Variants in HERC1 observed in about 807,000 individuals in gnomAD.
HERC1 encodes the protein probable E3 ubiquitin-protein ligase HERC1.
Under a neutral mutation model 554.3 loss-of-function variants are expected in HERC1, and 160 were observed. That is an observed-to-expected ratio of 0.29 (90% CI 0.25 to 0.33). The LOEUF (loss-of-function observed/expected upper bound fraction) is 0.33, where lower values mean the gene tolerates loss of function less well. HERC1 is among the 10% of genes least tolerant of loss of function. The pLI, the probability that HERC1 is intolerant of heterozygous loss-of-function variation, is 1.00. For synonymous variants in HERC1, 2,175 were observed against 2,131.7 expected (o/e 1.02, Z -0.56); for missense variants, 4,919 against 5,918.5 (o/e 0.83, Z 5.54).
At chr15:63,638,615 A>G in intron 62 of HERC1, 79 bp from the exon 63 acceptor site, 1 of 1,599,536 alleles carries the variant, frequency 6.3e-7, no homozygotes, top group Non-Finnish European at 8.6e-7. Flanking sequence ...AGTGTGTGCC[A>G]GCCTGTATGG....
chr15:63,796,945 G>A (rs1312336192), intron 1 of HERC1, among the ~76,000 whole-genome samples: 2 of 152,176 alleles, frequency 1.3e-5, no homozygotes, highest in Non-Finnish European at 1.5e-5. Context: ...TTCCAAAAGA[G>A]AGGAGGGTAT....
chr15:63,691,137 G>C (rs890147505), intron 31 of HERC1, among the ~76,000 whole-genome samples: 3 of 152,070 alleles, frequency 2.0e-5, no homozygotes, highest in African/African-American at 7.2e-5. Flanking sequence ...GGGATTGTTA[G>C]GGTTAACCGG....
At position 63,826,285 on chromosome 15, in the gene HERC1, C is replaced by T. The variant is rs143746677; in HGVS notation, c.-27+7542G>A. 3.3e-5 allele frequency among the ~76,000 whole-genome samples: 5 copies of T among 152,204 alleles called. No individual in the cohort carries two copies. The East Asian group carries it at 9.7e-4, about 29-fold the overall frequency. ...ACCGCTAAAATCTAATAGGATTGCC[C>T]TAACCCAGAACTTTAAACTCGCGGT... On this transcript the variant is annotated intron_variant, in intron 1 of 77. Coordinates refer to ENST00000443617, the MANE Select transcript of HERC1 (RefSeq NM_003922.4).
At chr15:63,814,538 C>T (rs1443957803) in intron 1 of HERC1, among the ~76,000 whole-genome samples, 1 of 152,224 alleles carries the variant, frequency 6.6e-6, no homozygotes, top group Non-Finnish European at 1.5e-5. Context: ...CTCACCACAA[C>T]TTCCACCTCC....
chr15:63,758,158 C>A lies in HERC1; in HGVS notation c.1221+17G>T. The stretch of plus-strand genomic sequence containing the variant: ...ACCAGATTATCTACCAGTTTGTAAG[C>A]TATTTAGAAAACTTACGGTCTGTGC... On this transcript the variant is annotated intron_variant, in intron 4 of 77. Transcript: ENST00000443617. The surrounding 1 kb of genome is among the most constrained non-coding windows in gnomAD (Gnocchi z 4.0). The A allele has an allele frequency of 6.4e-7, 1 of 1,561,820 alleles. No individual in the cohort carries two copies. Among genetic ancestry groups the A allele is most frequent in the Admixed American group, 1.7e-5 (1 of 58,880 alleles).
chr15:63,811,571 C>T (rs936656160), intron 1 of HERC1, among the ~76,000 whole-genome samples: 4 of 151,940 alleles, frequency 2.6e-5, no homozygotes, highest in Admixed American at 6.6e-5. Context: ...GCACTTTCGG[C>T]GGCCGAGACG....
chr15:63,827,614 T>C (rs540631191), intron 1 of HERC1, among the ~76,000 whole-genome samples: 2 of 152,176 alleles, frequency 1.3e-5, no homozygotes, highest in East Asian at 3.9e-4. Context: ...ACAGTAATCA[T>C]ATGACCCAGC....
intron 14 of HERC1, 83 bp downstream of exon 14, chr15:63,732,841 A>G (rs775764033): frequency 1.0e-5 from 9 of 873,716 alleles, no homozygotes; most frequent in Non-Finnish European, 1.7e-5. Context: ...TTTCTATCAT[A>G]GGTGTTTAAA....
At chr15:63,682,826 G>A (rs1453942946) in intron 34 of HERC1, among the ~76,000 whole-genome samples, 1 of 151,306 alleles carries the variant, frequency 6.6e-6, no homozygotes, top group Non-Finnish European at 1.5e-5. Context: ...ACATCTGGAT[G>A]TATGATTAAA....
chr15:63,680,651 G>A lies in HERC1; in HGVS notation c.6351C>T (p.Asn2117=), dbSNP rs771391816. ...GAGTCTGTTCTCCATTGTGATAGAGGTTACCACTGTAGGCCCTATAGAGCC... is the reference window on the plus strand; with the variant it reads ...GAGTCTGTTCTCCATTGTGATAGAGATTACCACTGTAGGCCCTATAGAGCC... ...DMWLYRAYSG[N]LYHNGEQTLT... is the part of the protein sequence containing the mutation. The change falls in exon 35 of 78, where the codon AAC becomes AAT. Residue 2117 remains asparagine, a synonymous_variant. Transcript: ENST00000443617. This position sits in a 1 kb window ranked among gnomAD's most constrained non-coding sequence, Gnocchi z 5.8. 4 of 1,613,752 alleles carry A rather than the reference G, an allele frequency of 2.5e-6. No individual in the cohort carries two copies. In the South Asian group the frequency reaches 4.4e-5, roughly 18 times the overall value.
intron 36 of HERC1, among the ~76,000 whole-genome samples, chr15:63,679,161 C>T (rs183605355): frequency 2.6e-5 from 4 of 152,086 alleles, no homozygotes; most frequent in Non-Finnish European, 5.9e-5. Context: ...AAGCACCAGG[C>T]CATCATTCGA....
intron 25 of HERC1, among the ~76,000 whole-genome samples, chr15:63,704,874 G>T (rs2072919727): frequency 6.6e-6 from 1 of 151,350 alleles, no homozygotes; most frequent in Non-Finnish European, 1.5e-5. Context: ...GAATAGCCAG[G>T]ACTACAGGCG....
intron 12 of HERC1, among the ~76,000 whole-genome samples, chr15:63,746,559 T>C (rs1596139534): frequency 6.6e-6 from 1 of 152,210 alleles, no homozygotes; most frequent in Non-Finnish European, 1.5e-5. Flanking sequence ...AGTCCACTTA[T>C]TCAGTTACTA....
Position 63,626,108 on chromosome 15 carries a change from G to T in HERC1, c.13152C>A (p.Pro4384=), listed in dbSNP as rs1140422. The T allele has an allele frequency of 4.3e-6, 7 of 1,613,548 alleles. No individual in the cohort carries two copies. Among genetic ancestry groups the T allele is most frequent in the Non-Finnish European group, 5.1e-6 (6 of 1,179,698 alleles). Residue 4384 remains proline (P), a synonymous_variant, in exon 71 of 78, where the codon CCC becomes CCA. Transcript: ENST00000443617. Reference sequence around the variant, plus strand: ...TGACTTCTCTCAGCGCCCCATACTGGGGGGGCACTGTGTCAGGCAGGCCCA... The same window carrying T: ...TGACTTCTCTCAGCGCCCCATACTGTGGGGGCACTGTGTCAGGCAGGCCCA... ...LQLGLPDTVP[P]QYGALREVSI...
intron 67 of HERC1, among the ~76,000 whole-genome samples, chr15:63,633,282 C>A (rs2068640775): frequency 2.6e-5 from 4 of 152,182 alleles, no homozygotes; most frequent in Admixed American, 2.6e-4. Context: ...TGAATATAAG[C>A]TGAAGCTTTG....
At chr15:63,674,233 A>T in intron 38 of HERC1, 109 bp downstream of exon 38, 1 of 955,938 alleles carries the variant, frequency 1.0e-6, no homozygotes, top group Non-Finnish European at 1.5e-6. Context: ...TGACCAAAAA[A>T]AAAATTTTTT....
At chr15:63,613,311 T>C (rs2067681314) in intron 76 of HERC1, among the ~76,000 whole-genome samples, 1 of 152,240 alleles carries the variant, frequency 6.6e-6, no homozygotes, top group Non-Finnish European at 1.5e-5. Context: ...AGCATCATAG[T>C]GCTGGGCACA....
intron 11 of HERC1, among the ~76,000 whole-genome samples, chr15:63,747,486 T>C (rs1253420686): frequency 6.6e-6 from 1 of 152,022 alleles, no homozygotes; most frequent in Non-Finnish European, 1.5e-5. Context: ...TGTCAAGTCA[T>C]GAACAACAGT....
chr15:63,616,554 T>G lies in HERC1; in HGVS notation c.13817A>C (p.Lys4606Thr). 1 of 1,614,008 alleles carries G rather than the reference T, an allele frequency of 6.2e-7. No homozygotes were observed. The highest frequency in any genetic ancestry group is 8.5e-7 in the Non-Finnish European group (1 of 1,179,884). ...GGTGAGTGGGACACAGCACAGCTGCTTCCACACCAGAGGGGCCAAGTGGAG... is the reference window on the plus strand; with the variant it reads ...GGTGAGTGGGACACAGCACAGCTGCGTCCACACCAGAGGGGCCAAGTGGAG... Reference protein sequence around the residue: ...LDLHLAPLVWKQLCCVPLTLE... With the variant: ...LDLHLAPLVWTQLCCVPLTLE... The change falls in exon 75 of 78, where the codon AAG becomes ACG. Residue 4606 changes from lysine (K) to threonine (T), a missense_variant. Physicochemically the swap from Lys to Thr is moderately conservative, Grantham distance 78 (BLOSUM62 -1). Coordinates refer to ENST00000443617, the MANE Select transcript of HERC1 (RefSeq NM_003922.4).
Sources: gnomAD v4.1 joint callset for allele counts (sites outside exome capture counted in the v4.1 genomes callset) on GRCh38, gnomAD v4.1.1 for gene constraint, Gnocchi (gnomAD v3.1) non-coding constraint, MANE v1.5 for transcripts, NCBI Gene and HGNC (gene_info 2026-07-23, HGNC 2026-07-21) for gene names.